Variants in YJU2 observed in about 807,000 individuals in gnomAD.
YJU2 encodes YJU2 splicing factor homolog, also known as splicing factor YJU2.
YJU2 carries 28 observed loss-of-function variants against 39.6 expected under a neutral mutation model. The observed-to-expected ratio is 0.71, with a 90% CI of 0.52 to 0.97. YJU2 has a LOEUF of 0.97. YJU2 is among the 50% of genes least tolerant of loss of function. The pLI is 0.00. For synonymous variants in YJU2, 184 were observed against 182.4 expected (o/e 1.01, Z -0.07); for missense variants, 328 against 430.4 (o/e 0.76, Z 2.11).
intron 4 of YJU2, among the ~76,000 whole-genome samples, chr19:4,256,181 A>AC (rs1555725230): frequency 7.9e-6 from 1 of 125,898 alleles, no homozygotes; most frequent in Non-Finnish European, 1.6e-5. Context: ...AAAAAAAAAA[A>AC]ATATATATAT....
chr19:4,265,439 CTT>C (rs149329760), intron 6 of YJU2, among the ~76,000 whole-genome samples: 15 of 138,920 alleles, frequency 1.1e-4, no homozygotes, highest in African/African-American at 8.3e-5. Context: ...ATTTTCTTTT[CTT>C]TTTTTTTTTT....
In YJU2 at chr19:4,258,357, G is replaced by A. The variant is rs1438595021; in HGVS notation, c.521G>A (p.Arg174Lys). 3.1e-6 allele frequency: 5 copies of A among 1,595,388 alleles called. No individual in the cohort carries two copies. The highest frequency in any genetic ancestry group is 1.8e-5 in the Admixed American group (1 of 56,656). Residue 174 changes from arginine (R) to lysine (K), a missense_variant, in exon 5 of 8, where the codon AGG becomes AAG. Around this residue, in one of 2 missense-constraint regions of YJU2, gnomAD observed 244 missense variants for 264.6 expected, o/e 0.92. Transcript: ENST00000262962. ...CACGTGGACTTCGAGGCTATGCTGA[G>A]GCAGCACCGCCTGTCGGAGGAGGAG... ...QAHVDFEAML[R>K]QHRLSEEERR...
chr19:4,266,078 C>T (rs997550847), intron 6 of YJU2, among the ~76,000 whole-genome samples: 3 of 149,958 alleles, frequency 2.0e-5, no homozygotes, highest in Admixed American at 1.3e-4. Context: ...CTCAGTCTCC[C>T]GAGTAGCTGG....
At chr19:4,247,570 GGT>G (rs1192701167) in intron 1 of YJU2, among the ~76,000 whole-genome samples, 8 of 92,992 alleles carry the variant, frequency 8.6e-5, no homozygotes, top group African/African-American at 3.2e-4. Context: ...GGTGGGGTGG[GGT>G]GGGGTGGCGC....
At chr19:4,267,220 G>A (rs868319042) in intron 6 of YJU2, among the ~76,000 whole-genome samples, 2 of 152,150 alleles carry the variant, frequency 1.3e-5, no homozygotes, top group Non-Finnish European at 2.9e-5. Context: ...CACTGTGAGC[G>A]TGGACATGCA....
Position 4,258,391 on chromosome 19 carries a change from G to T in YJU2, c.555G>T (p.Arg185Ser), listed in dbSNP as rs748941269. 29 of 1,596,502 alleles carry T rather than the reference G, an allele frequency of 1.8e-5. No individual in the cohort carries two copies. In the Admixed American group the frequency reaches 4.9e-4, roughly 27 times the overall value. ...QHRLSEEERR[R>S]QQQEEDEQET... ...GCCTGTCGGAGGAGGAGCGGCGGAGGCAGCAGCAGGAGGAGGACGAGCAGG... is the reference window on the plus strand; with the variant it reads ...GCCTGTCGGAGGAGGAGCGGCGGAGTCAGCAGCAGGAGGAGGACGAGCAGG... Residue 185 changes from arginine (R) to serine (S), a missense_variant, in exon 5 of 8, where the codon AGG becomes AGT. Transcript: ENST00000262962.
At chr19:4,257,246 C>T (rs538248195) in intron 4 of YJU2, among the ~76,000 whole-genome samples, 4 of 152,106 alleles carry the variant, frequency 2.6e-5, no homozygotes, top group Non-Finnish European at 5.9e-5. Flanking sequence ...CCTCTTAGCC[C>T]AGGGCCCGGT....
chr19:4,267,708 G>A lies in YJU2; in HGVS notation c.793G>A (p.Val265Met), dbSNP rs372057203. Residue 265 changes from valine (V) to methionine (M), a missense_variant, in exon 7 of 8, where the codon GTG becomes ATG. Coordinates refer to ENST00000262962, the MANE Select transcript of YJU2 (RefSeq NM_018074.6). ...CCGGCCCCCGCTGTCGAGGCTGGTC[G>A]TGGTGAAGAAGGCAAAGGCCGACCC... The part of the protein sequence containing the change: ...GSRPPLSRLV[V>M]VKKAKADPDC... 51 of 1,613,262 alleles carry A rather than the reference G, an allele frequency of 3.2e-5. No homozygotes were observed. The highest frequency in any genetic ancestry group is 1.6e-4 in the Middle Eastern group (1 of 6,066).
chr19:4,258,853 G>C (rs963027595), intron 5 of YJU2, among the ~76,000 whole-genome samples: 4 of 152,106 alleles, frequency 2.6e-5, no homozygotes, highest in African/African-American at 9.7e-5. Context: ...TGGTCCCACA[G>C]CCCCCGCTGC....
At chr19:4,257,877 A>G (rs1971034625) in intron 4 of YJU2, among the ~76,000 whole-genome samples, 1 of 152,166 alleles carries the variant, frequency 6.6e-6, no homozygotes, top group South Asian at 2.1e-4. Flanking sequence ...TGCTGGGATT[A>G]CAGACGTGAG....
intron 1 of YJU2, among the ~76,000 whole-genome samples, chr19:4,247,580 CGCGTGTGTGTGTGTGT>C (rs1568359479): frequency 2.2e-5 from 1 of 46,236 alleles, no homozygotes. Context: ...GGTGGGGTGG[CGCGTGTGTGTGTGTGT>C]GTGTGTGTGT....
intron 4 of YJU2, 57 bp from the exon 5 acceptor site, chr19:4,258,185 G>T: frequency 6.5e-7 from 1 of 1,533,848 alleles, no homozygotes; most frequent in Non-Finnish European, 8.8e-7. Flanking sequence ...GGCCAGACAG[G>T]GTTTGCCCCG....
intron 5 of YJU2, among the ~76,000 whole-genome samples, chr19:4,260,388 A>T (rs1400660598): frequency 6.6e-6 from 1 of 152,116 alleles, no homozygotes; most frequent in Admixed American, 6.6e-5. Flanking sequence ...AGATGGTGCC[A>T]CTGAACTCCA....
At chr19:4,260,938 A>G (rs1240116823) in intron 5 of YJU2, among the ~76,000 whole-genome samples, 1 of 152,174 alleles carries the variant, frequency 6.6e-6, no homozygotes, top group Non-Finnish European at 1.5e-5. Context: ...AGCTTGAATT[A>G]TGAGGATGAG....
At chr19:4,260,434 A>T (rs914225309) in intron 5 of YJU2, among the ~76,000 whole-genome samples, 3 of 151,716 alleles carry the variant, frequency 2.0e-5, no homozygotes, top group Non-Finnish European at 4.4e-5. Flanking sequence ...CCTAAAAAAA[A>T]TGAAAATTAA....
rs1261418189 is a variant in YJU2 at position 4,268,708 on chromosome 19, A to T, written c.*12A>T. ...ACGGCAGCAACTGAGCCCTCCCAGG[A>T]CCCCCTCACGGGGTCAAAGTCACAC... On this transcript the variant is annotated 3_prime_UTR_variant, in exon 8 of 8. Transcript: ENST00000262962. 1.0e-5 allele frequency: 16 copies of T among 1,593,792 alleles called. No individual in the cohort carries two copies. In the East Asian group the frequency reaches 1.6e-4, roughly 16 times the overall value.
At position 4,266,762 on chromosome 19, in the gene YJU2, G is replaced by A. The variant is rs139979963; in HGVS notation, c.709-862G>A. Among the ~76,000 whole-genome samples the A allele has an allele frequency of 6.1e-3, 927 of 152,248 alleles. 7 individuals carry two copies. Among genetic ancestry groups the A allele is most frequent in the Non-Finnish European group, 9.2e-3 (624 of 68,020 alleles). The stretch of plus-strand genomic sequence containing the variant: ...TTTGGGACGCTGAGACGGGAGGATC[G>A]CTTGAGCCAGGAGTTTGAGACCAGC... On this transcript the variant is annotated intron_variant, in intron 6 of 7. Transcript: ENST00000262962.
At chr19:4,251,311 TG>T in intron 3 of YJU2, 140 bp downstream of exon 3, 2 of 844,312 alleles carry the variant, frequency 2.4e-6, no homozygotes, top group South Asian at 3.5e-5. Context: ...GACAACAGTT[TG>T]GGGGAGATGT....
Position 4,254,338 on chromosome 19 carries a change from G to A in YJU2, c.271-17G>A, listed in dbSNP as rs754201056. The A allele has an allele frequency of 1.2e-6, 2 of 1,606,150 alleles. No homozygotes were observed. Among genetic ancestry groups the A allele is most frequent in the South Asian group, 1.1e-5 (1 of 90,778 alleles). On this transcript the variant is annotated splice_polypyrimidine_tract_variant and intron_variant, in intron 3 of 7. Transcript: ENST00000262962. ...CCTGGGGATGTAGGAGCTGATGTCTGTCTATCCTCCCTGCAGACAGACCCT... is the reference window on the plus strand; with the variant it reads ...CCTGGGGATGTAGGAGCTGATGTCTATCTATCCTCCCTGCAGACAGACCCT...
Sources: allele counts gnomAD v4.1 joint callset (sites outside exome capture counted in the v4.1 genomes callset), GRCh38; gene constraint gnomAD v4.1.1; regional missense constraint gnomAD v4.1.1; transcripts MANE v1.5; gene names NCBI Gene and HGNC (gene_info 2026-07-23, HGNC 2026-07-21).